Variants in XG observed in about 807,000 individuals in gnomAD.
The protein encoded by XG is Xg glycoprotein (Xg blood group).
A neutral mutation model predicts 25.7 loss-of-function variants in XG; 24 were observed. That is an observed-to-expected ratio of 0.93 (90% confidence interval 0.68 to 1.31). XG has a LOEUF of 1.31. Among genes scored for constraint, XG ranks in the 40% most tolerant of loss-of-function variants. The pLI is 0.00. For synonymous variants in XG, 77 were observed against 69.2 expected (o/e 1.11, Z -0.56); for missense variants, 181 against 187.6 (o/e 0.96, Z 0.21).
rs760168808 is a variant in XG at position 2,782,049 on chromosome X, T to C, written c.128-17T>C. The C allele has an allele frequency of 1.2e-5, 14 of 1,208,496 alleles. No individual in the cohort carries two copies. Among genetic ancestry groups the C allele is most frequent in the Non-Finnish European group, 1.5e-5 (13 of 892,724 alleles). ...ACAATTTTCTTTTCTAACAGTGCAA[T>C]GTTGTTTCCTCCACAGATATCTACC... is the stretch of plus-strand genomic sequence containing the variant. On this transcript the variant is annotated splice_polypyrimidine_tract_variant and intron_variant, in intron 3 of 10. Transcript: ENST00000644266.
chrX:2,773,536 A>T (rs2050886090), intron 2 of XG, among the ~76,000 whole-genome samples: 1 of 128,248 alleles, frequency 7.8e-6, no homozygotes, highest in African/African-American at 3.0e-5. Context: ...GGAAGGAGAG[A>T]AGGAAGGAAG....
At chrX:2,765,416 AACAATTGCTT>A (rs2050663253) in intron 1 of XG, among the ~76,000 whole-genome samples, 1 of 148,446 alleles carries the variant, frequency 6.7e-6, no homozygotes. Flanking sequence ...GAAGGAAGGA[AACAATTGCTT>A]GAAAGGGCTT....
At chrX:2,760,093 G>C (rs998248263) in intron 1 of XG, among the ~76,000 whole-genome samples, 1 of 152,118 alleles carries the variant, frequency 6.6e-6, no homozygotes, top group Non-Finnish European at 1.5e-5. Flanking sequence ...AGAGGTTGCA[G>C]TGAGCTGAGA....
intron 3 of XG, among the ~76,000 whole-genome samples, chrX:2,776,028 G>A (rs189866297): frequency 2.0e-5 from 3 of 151,694 alleles, no homozygotes; most frequent in Non-Finnish European, 4.4e-5. Context: ...AGTGGCTCAC[G>A]CCTGTAATCC....
chrX:2,756,396 G>C (rs754026080), intron 1 of XG, among the ~76,000 whole-genome samples: 1 of 152,040 alleles, frequency 6.6e-6, no homozygotes, highest in African/African-American at 2.4e-5. Context: ...TAATCAGTAG[G>C]GTGACTTTAG....
chrX:2,796,488 G>A (rs1173368982), intron 6 of XG, among the ~76,000 whole-genome samples: 6 of 102,497 alleles, frequency 5.9e-5, no homozygotes, highest in East Asian at 2.9e-4. Context: ...GTGTGTGTGT[G>A]TATATATATA....
rs2087000223 is a variant in XG, at chrX:2,806,609, G to C, written c.374-92G>C. On this transcript the variant is annotated intron_variant, in intron 7 of 10. Coordinates refer to ENST00000644266, the MANE Select transcript of XG (RefSeq NM_001141919.2). ...TCTCTGCAGCTTTTAAGAGCATCTT[G>C]CTTCAGGTTTGCTGACCTGCTTGCT... The C allele has an allele frequency of 2.7e-5, 21 of 789,412 alleles. No homozygotes were observed. In the Middle Eastern group the frequency reaches 1.3e-3, roughly 49 times the overall value. The allele number at this position is 789,412 out of a possible 1,213,427, so 65.1% of individuals were successfully genotyped here.
intron 6 of XG, among the ~76,000 whole-genome samples, chrX:2,796,494 A>G (rs780852870): frequency 0.14 from 9,702 of 71,717 alleles, 962 homozygotes; most frequent in African/African-American, 0.36. Flanking sequence ...GTGTGTATAT[A>G]TATATACACC....
chrX:2,789,330 T>C lies in XG; in HGVS notation c.191-314T>C, dbSNP rs149886839. On this transcript the variant is annotated intron_variant, in intron 4 of 10. Coordinates refer to ENST00000644266, the MANE Select transcript of XG (RefSeq NM_001141919.2). ...GTCAGATGTTTCATCCTAACATTTA[T>C]AGAAGTGACTGACTTCTGTAAATGG... Among the ~76,000 whole-genome samples, 835 of 112,298 alleles carry C rather than the reference T, an allele frequency of 7.4e-3. 6 individuals carry two copies. The highest frequency in any genetic ancestry group is 0.025 in the African/African-American group (784 of 30,973).
At chrX:2,778,998 A>C (rs765587563) in intron 3 of XG, among the ~76,000 whole-genome samples, 1 of 152,232 alleles carries the variant, frequency 6.6e-6, no homozygotes, top group East Asian at 1.9e-4. Flanking sequence ...TCCTGACCTC[A>C]GGTGATCTGT....
chrX:2,768,060 G>A (rs1569460283), intron 1 of XG, among the ~76,000 whole-genome samples: 3 of 152,260 alleles, frequency 2.0e-5, no homozygotes, highest in Middle Eastern at 3.4e-3. Context: ...AGGATGAGAC[G>A]AGCTGTCTGC....
At chrX:2,810,993 C>T (rs1005337241) in intron 9 of XG, among the ~76,000 whole-genome samples, 1 of 111,430 alleles carries the variant, frequency 9.0e-6, no homozygotes, top group Non-Finnish European at 1.9e-5. Context: ...CTTCAACAAA[C>T]AAACAAAAAT....
chrX:2,815,284 T>A lies in XG; in HGVS notation c.*904T>A, dbSNP rs2087093980. On this transcript the variant is annotated 3_prime_UTR_variant, in exon 11 of 11. Coordinates refer to ENST00000644266, the MANE Select transcript of XG (RefSeq NM_001141919.2). ...AAGTATACTAGCTTTTTGCTTCTCTTTTAGAAATACTTGTGGGGAGAGAAA... is the reference window on the plus strand; with the variant it reads ...AAGTATACTAGCTTTTTGCTTCTCTATTAGAAATACTTGTGGGGAGAGAAA... 1 of 112,033 alleles carries A rather than the reference T, an allele frequency of 8.9e-6. No individual in the cohort carries two copies. Among genetic ancestry groups the A allele is most frequent in the Non-Finnish European group, 1.9e-5 (1 of 53,216 alleles). 9.2% of individuals were successfully genotyped at this position (112,033 alleles called of 1,213,427 possible). A position where few individuals can be genotyped will look rare whatever the true frequency, so the allele number is the denominator to read the frequency against.
chrX:2,760,483 C>T (rs1381039084), intron 1 of XG, among the ~76,000 whole-genome samples: 1 of 151,436 alleles, frequency 6.6e-6, no homozygotes, highest in African/African-American at 2.4e-5. Context: ...TGCCTGTAAT[C>T]CCAGCACTTT....
chrX:2,801,706 T>C (rs1389713722), intron 7 of XG, among the ~76,000 whole-genome samples: 1 of 108,146 alleles, frequency 9.2e-6, no homozygotes, highest in Non-Finnish European at 1.9e-5. Flanking sequence ...CAACTTTATT[T>C]TTTATTTTTT....
At chrX:2,758,713 G>A (rs949526338) in intron 1 of XG, among the ~76,000 whole-genome samples, 1 of 152,228 alleles carries the variant, frequency 6.6e-6, no homozygotes, top group Non-Finnish European at 1.5e-5. Flanking sequence ...GCCCAGGGAT[G>A]CTGGTCAACA....
chrX:2,807,185 T>C (rs1334994527), intron 8 of XG, among the ~76,000 whole-genome samples: 1 of 113,001 alleles, frequency 8.8e-6, no homozygotes, highest in Non-Finnish European at 1.9e-5. Context: ...TGCACAGATG[T>C]GTTGGCATGT....
Position 2,811,368 on chromosome X carries a change from G to T in XG, c.487G>T (p.Val163Leu), listed in dbSNP as rs756189256. 7 of 1,207,234 alleles carry T rather than the reference G, an allele frequency of 5.8e-6. No individual in the cohort carries two copies. In the South Asian group the frequency reaches 1.1e-4, roughly 18 times the overall value. The change falls in exon 10 of 11, where the codon GTA (valine) becomes TTA (leucine). Residue 163 changes from valine (V) to leucine (L), a missense_variant. Transcript: ENST00000644266. ...NMVAKIVSPI[V>L]SVVVVTLLGA... is the part of the protein sequence containing the mutation. Reference sequence around the variant, plus strand: ...GGTAGCAAAAATCGTGTCTCCCATCGTATCCGTGGTGGTGGTGACACTGCT... The same window carrying T: ...GGTAGCAAAAATCGTGTCTCCCATCTTATCCGTGGTGGTGGTGACACTGCT...
chrX:2,762,009 C>A (rs977271476), intron 1 of XG, among the ~76,000 whole-genome samples: 37 of 152,190 alleles, frequency 2.4e-4, no homozygotes, highest in African/African-American at 8.7e-4. Flanking sequence ...ATGAGAAACA[C>A]TGTGTCTTGG....
Sources: allele counts gnomAD v4.1 joint callset (sites outside exome capture counted in the v4.1 genomes callset), GRCh38; gene constraint gnomAD v4.1.1; transcripts MANE v1.5; gene names NCBI Gene and HGNC (gene_info 2026-07-23, HGNC 2026-07-21).